The following DLGAP1 variants were observed in gnomAD, a reference collection of about 807,000 sequenced individuals.
DLGAP1 encodes disks large-associated protein 1.
In DLGAP1, 11 loss-of-function variants were observed where a neutral mutation model predicts 90.8. That is an observed-to-expected ratio of 0.12 (90% confidence interval 0.08 to 0.20). The LOEUF (loss-of-function observed/expected upper bound fraction) is 0.20. DLGAP1 is among the 10% of genes least tolerant of loss of function. The probability of loss-of-function intolerance (pLI) is 1.00; values close to 1 mark genes in which losing one functional copy is unlikely to be tolerated. For synonymous variants in DLGAP1, 558 were observed against 540.7 expected (o/e 1.03, Z -0.44); for missense variants, 1,050 against 1,333.8 (o/e 0.79, Z 3.31).
In DLGAP1 at chr18:3,639,795, C is replaced by T. The variant is rs1462286610; in HGVS notation, c.1592-57547G>A. 1.5e-5 allele frequency among the ~76,000 whole-genome samples: 2 copies of T among 130,456 alleles called. 1 individual carries two copies. Among genetic ancestry groups the T allele is most frequent in the Non-Finnish European group, 3.1e-5 (2 of 64,550 alleles). 85.6% of individuals were successfully genotyped at this position (130,456 alleles called of 152,430 possible). ...TTTGAGACAGAGTCTTGCTCTGTCG[C>T]CCAGGCTGGAGTGCAGTGGCGCGAT... On this transcript the variant is annotated intron_variant, in intron 7 of 12. Transcript: ENST00000315677.
At chr18:4,388,869 A>G (rs756276185) in intron 1 of DLGAP1, among the ~76,000 whole-genome samples, 1 of 152,160 alleles carries the variant, frequency 6.6e-6, no homozygotes, top group Non-Finnish European at 1.5e-5. Flanking sequence ...AAATAATGTC[A>G]GTGAGGATGT....
intron 3 of DLGAP1, among the ~76,000 whole-genome samples, chr18:3,947,683 G>A (rs1387734099): frequency 1.3e-5 from 2 of 152,168 alleles, no homozygotes; most frequent in Non-Finnish European, 2.9e-5. Context: ...CCATTTGTGA[G>A]CTCATTTGGT....
intron 1 of DLGAP1, among the ~76,000 whole-genome samples, chr18:4,381,481 C>T (rs1349593370): frequency 6.6e-6 from 1 of 151,436 alleles, no homozygotes; most frequent in South Asian, 2.1e-4. Flanking sequence ...GTAAAAGTAT[C>T]TAGATGGGTA....
intron 6 of DLGAP1, among the ~76,000 whole-genome samples, chr18:3,734,677 A>G (rs886433987): frequency 6.6e-6 from 1 of 151,918 alleles, no homozygotes; most frequent in African/African-American, 2.4e-5. Flanking sequence ...CTGTCACTTT[A>G]TTTACTGGCT....
rs1051474107 is a variant in DLGAP1 at position 3,874,648 on chromosome 18, T to C, written c.957+4464A>G. On this transcript the variant is annotated intron_variant, in intron 4 of 12. Coordinates refer to ENST00000315677, the MANE Select transcript of DLGAP1 (RefSeq NM_004746.4). ...TGCCATAAATGCTTTATTCCAAATG[T>C]ATAAGAGCCAACCACATCTCAACTG... The C allele has an allele frequency of 2.6e-6, 4 of 1,535,624 alleles. No homozygotes were observed. The Middle Eastern group carries it at 5.0e-4, about 192-fold the overall frequency.
At chr18:4,431,329 C>A (rs567745639) in intron 1 of DLGAP1, among the ~76,000 whole-genome samples, 18 of 152,242 alleles carry the variant, frequency 1.2e-4, no homozygotes, top group African/African-American at 4.3e-4. Context: ...ACTGCAGTAA[C>A]TTTTAGACTT....
At chr18:4,339,515 TAC>T (rs879503163) in intron 1 of DLGAP1, among the ~76,000 whole-genome samples, 4 of 152,122 alleles carry the variant, frequency 2.6e-5, no homozygotes, top group African/African-American at 9.7e-5. Flanking sequence ...ATGTAAAAAA[TAC>T]AGTCTATACA....
intron 1 of DLGAP1, among the ~76,000 whole-genome samples, chr18:4,425,796 C>A (rs1479800211): frequency 6.6e-6 from 1 of 152,108 alleles, no homozygotes; most frequent in Non-Finnish European, 1.5e-5. Flanking sequence ...CTACTTCTCT[C>A]CCCCTGCAAC....
At chr18:4,047,132 C>G (rs1344373475) in intron 2 of DLGAP1, among the ~76,000 whole-genome samples, 1 of 152,138 alleles carries the variant, frequency 6.6e-6, no homozygotes, top group African/African-American at 2.4e-5. Context: ...AATGCAGAAC[C>G]ATGCAAAAAG....
At chr18:3,874,303 G>C in intron 4 of DLGAP1, 2 of 1,542,838 alleles carry the variant, frequency 1.3e-6, no homozygotes, top group South Asian at 2.4e-5. Flanking sequence ...CGCTCCCTCT[G>C]TCTCTCTCTC....
chr18:3,580,602 A>T (rs1402186068), intron 8 of DLGAP1: 1 of 1,587,002 alleles, frequency 6.3e-7, no homozygotes, highest in Non-Finnish European at 8.6e-7. Flanking sequence ...ACTAGAGAGA[A>T]TGGACTGGAA....
At chr18:3,982,195 G>A (rs981438882) in intron 3 of DLGAP1, among the ~76,000 whole-genome samples, 2 of 152,164 alleles carry the variant, frequency 1.3e-5, no homozygotes, top group Non-Finnish European at 2.9e-5. Flanking sequence ...CTAAGGCAAA[G>A]CATACAGGAT....
At chr18:3,858,343 G>C (rs1157108534) in intron 4 of DLGAP1, among the ~76,000 whole-genome samples, 1 of 151,988 alleles carries the variant, frequency 6.6e-6, no homozygotes, top group Non-Finnish European at 1.5e-5. Context: ...AGGTTGGTGA[G>C]AGCTCTTTGA....
intron 4 of DLGAP1, among the ~76,000 whole-genome samples, chr18:3,864,364 A>T (rs532739906): frequency 6.6e-4 from 100 of 152,330 alleles, no homozygotes; most frequent in South Asian, 4.6e-3. Context: ...TCAGTTCCTT[A>T]GAAGTCCCTG....
intron 7 of DLGAP1, among the ~76,000 whole-genome samples, chr18:3,687,969 C>T (rs923770368): frequency 1.2e-4 from 18 of 146,280 alleles, no homozygotes; most frequent in African/African-American, 2.5e-4. Flanking sequence ...TGCAGTGGTG[C>T]GATCACGGCT....
intron 7 of DLGAP1, among the ~76,000 whole-genome samples, chr18:3,695,316 T>C (rs143324649): frequency 3.8e-4 from 58 of 152,294 alleles, no homozygotes; most frequent in Non-Finnish European, 7.4e-4. Context: ...GGTTTTCTTC[T>C]AGAGTTTTTA....
intron 3 of DLGAP1, among the ~76,000 whole-genome samples, chr18:3,900,424 A>T (rs2148878894): frequency 6.6e-6 from 1 of 152,348 alleles, no homozygotes; most frequent in Non-Finnish European, 1.5e-5. Context: ...GCACCTTTTA[A>T]ACATTTGCTT....
intron 3 of DLGAP1, among the ~76,000 whole-genome samples, chr18:3,946,924 A>G (rs1342187703): frequency 1.3e-5 from 2 of 152,210 alleles, no homozygotes; most frequent in Non-Finnish European, 2.9e-5. Flanking sequence ...ATTTGAAGAT[A>G]CATTTGTAGG....
rs186140491 is a variant in DLGAP1 at position 3,769,851 on chromosome 18, G to T, written c.1173-27339C>A. Among the ~76,000 whole-genome samples the T allele has an allele frequency of 1.2e-3, 188 of 151,908 alleles. 7 individuals carry two copies. The East Asian group carries it at 0.032, about 25-fold the overall frequency. The stretch of plus-strand genomic sequence containing the variant: ...TTTGAAATGTTACCACGGTGGGTGG[G>T]GGGGGAAAACTGGGTATAAGGTGCA... On this transcript the variant is annotated intron_variant, in intron 5 of 12. Transcript: ENST00000315677.
Sources: gnomAD v4.1 joint callset for allele counts (sites outside exome capture counted in the v4.1 genomes callset) on GRCh38, gnomAD v4.1.1 for gene constraint, MANE v1.5 for transcripts, NCBI Gene and HGNC (gene_info 2026-07-23, HGNC 2026-07-21) for gene names.